Variants in KAZN observed in about 807,000 individuals in gnomAD.
KAZN encodes the protein kazrin, periplakin interacting protein, also known as kazrin.
KAZN carries 40 observed loss-of-function variants against 87.4 expected under a neutral mutation model. The ratio of observed to expected loss-of-function variants is 0.46; its 90% CI spans 0.36 to 0.60. The LOEUF (loss-of-function observed/expected upper bound fraction) is 0.60. KAZN is among the 20% of genes least tolerant of loss of function. KAZN has a pLI of 0.00. For missense variants in KAZN, 898 were observed against 1,073.9 expected, an observed-to-expected ratio of 0.84 and a Z score of 2.29; for synonymous variants, 466 against 458.3, an observed-to-expected ratio of 1.02 and a Z score of -0.22.
chr1:14,017,956 C>A, intron 1 of KAZN, among the ~76,000 whole-genome samples: 1 of 152,090 alleles, frequency 6.6e-6, no homozygotes, highest in East Asian at 1.9e-4. Flanking sequence ...TAACAGCTGA[C>A]GTTTACTAAG....
chr1:15,089,879 C>G (rs993336289), intron 8 of KAZN, among the ~76,000 whole-genome samples: 2 of 151,820 alleles, frequency 1.3e-5, no homozygotes, highest in African/African-American at 4.8e-5. Context: ...CTTTGGAGAA[C>G]ATCTTACCTG....
At chr1:14,320,000 A>T (rs909471707) in intron 2 of KAZN, among the ~76,000 whole-genome samples, 1 of 152,198 alleles carries the variant, frequency 6.6e-6, no homozygotes, top group African/African-American at 2.4e-5. Context: ...ATCAAAGAAT[A>T]ACAATGATCA....
chr1:14,972,516 C>CT lies in KAZN; in HGVS notation c.418+11657dup, dbSNP rs35547504. 6.0e-3 allele frequency among the ~76,000 whole-genome samples: 848 copies of CT among 140,844 alleles called. 5 individuals carry two copies. Among genetic ancestry groups the CT allele is most frequent in the Middle Eastern group, 0.011 (3 of 264 alleles). The allele number at this position is 140,844 out of a possible 152,430, so 92.4% of individuals were successfully genotyped here. A position where few individuals can be genotyped will look rare whatever the true frequency, so the allele number is the denominator to read the frequency against. On this transcript the variant is annotated intron_variant, in intron 2 of 14. Coordinates refer to ENST00000376030, the MANE Select transcript of KAZN (RefSeq NM_201628.3). ...TGCGCTGCTGACCTCAGACTGGGAA[C>CT]TTTTTTTTTTTTTTTTGAGTTGGAG...
intron 2 of KAZN, among the ~76,000 whole-genome samples, chr1:14,324,539 G>A (rs191205747): frequency 1.3e-3 from 201 of 152,236 alleles, no homozygotes; most frequent in African/African-American, 4.6e-3. Context: ...GGCTTTCAAA[G>A]CCTTCTTTCT....
At position 14,584,958 on chromosome 1, in the gene KAZN, T is replaced by C. The variant is rs79728585; in HGVS notation, c.250-14025T>C. Among the ~76,000 whole-genome samples the C allele has an allele frequency of 3.7e-4, 57 of 152,226 alleles. No homozygotes were observed. The East Asian group carries it at 9.9e-3, about 26-fold the overall frequency. On this transcript the variant is annotated intron_variant, in intron 2 of 16. Coordinates refer to the KAZN transcript ENST00000636203. Reference sequence around the variant, plus strand: ...GGGACTGGCCTGAAGATAGGGTCTTTAAAGAGGTGATGAAGAGAAAATTAG... The same window carrying C: ...GGGACTGGCCTGAAGATAGGGTCTTCAAAGAGGTGATGAAGAGAAAATTAG...
intron 1 of KAZN, among the ~76,000 whole-genome samples, chr1:14,714,789 TTTTTTTTG>T (rs2100235649): frequency 8.2e-6 from 1 of 121,338 alleles, no homozygotes; most frequent in Admixed American, 7.8e-5. Context: ...TCTTTTTCTT[TTTTTTTTG>T]TTTTTTTTTT....
intron 1 of KAZN, among the ~76,000 whole-genome samples, chr1:14,900,145 T>C (rs1655698964): frequency 6.6e-6 from 1 of 151,916 alleles, no homozygotes; most frequent in Admixed American, 6.6e-5. Context: ...TGACATGGGG[T>C]TTGTGAAGAT....
At chr1:14,933,335 C>A (rs1167181903) in intron 1 of KAZN, among the ~76,000 whole-genome samples, 1 of 152,146 alleles carries the variant, frequency 6.6e-6, no homozygotes, top group African/African-American at 2.4e-5. Flanking sequence ...TCAGGTGAGC[C>A]GCCTGCCTCG....
At position 14,546,221 on chromosome 1, in the gene KAZN, T is replaced by G. The variant is rs77961205; in HGVS notation, c.250-52762T>G. On this transcript the variant is annotated intron_variant, in intron 2 of 16. Coordinates refer to the KAZN transcript ENST00000636203. ...TATTCTTTCCAACTACGATATTCTC[T>G]TATAATACACACTGTCAATAGCCAA... 9.6e-3 allele frequency among the ~76,000 whole-genome samples: 1,459 copies of G among 152,330 alleles called. 12 individuals are homozygous for G. The highest frequency in any genetic ancestry group is 0.014 in the Non-Finnish European group (925 of 68,032).
intron 1 of KAZN, among the ~76,000 whole-genome samples, chr1:14,165,796 T>A (rs1012570909): frequency 6.6e-6 from 1 of 152,204 alleles, no homozygotes; most frequent in Non-Finnish European, 1.5e-5. Flanking sequence ...AATAGCTTCA[T>A]GTCTTAGGGG....
intron 2 of KAZN, among the ~76,000 whole-genome samples, chr1:15,006,979 C>G (rs1032176375): frequency 1.3e-5 from 2 of 149,628 alleles, no homozygotes; most frequent in African/African-American, 2.5e-5. Context: ...ATAGTGTGAA[C>G]CTGGGAGGCG....
chr1:14,618,115 T>C (rs1044068051), intron 1 of KAZN, among the ~76,000 whole-genome samples: 12 of 152,208 alleles, frequency 7.9e-5, no homozygotes, highest in African/African-American at 2.9e-4. Context: ...AGGAAAGGCT[T>C]GAATGCTGCG....
intron 2 of KAZN, among the ~76,000 whole-genome samples, chr1:14,489,288 T>C (rs561540301): frequency 1.9e-3 from 291 of 152,312 alleles, no homozygotes; most frequent in African/African-American, 6.8e-3. Flanking sequence ...TACACATCTA[T>C]ATAAGTTCTG....
intron 2 of KAZN, among the ~76,000 whole-genome samples, chr1:14,551,219 C>T (rs892760557): frequency 1.3e-5 from 2 of 152,174 alleles, no homozygotes; most frequent in African/African-American, 4.8e-5. Context: ...TCTGCACCGA[C>T]TCATATGGAT....
chr1:14,018,069 G>A (rs1983608), intron 1 of KAZN, among the ~76,000 whole-genome samples: 95,592 of 152,016 alleles, frequency 0.63, 30,796 homozygotes, highest in South Asian at 0.8. Context: ...TGGCAGCTGA[G>A]GAACCTGAGG....
intron 2 of KAZN, among the ~76,000 whole-genome samples, chr1:14,304,276 C>T (rs951836923): frequency 6.6e-6 from 1 of 152,166 alleles, no homozygotes; most frequent in Admixed American, 6.5e-5. Flanking sequence ...AACTTTCATC[C>T]AACATCTCCA....
chr1:14,231,663 A>G (rs1482528361), intron 2 of KAZN, among the ~76,000 whole-genome samples: 1 of 152,198 alleles, frequency 6.6e-6, no homozygotes, highest in Non-Finnish European at 1.5e-5. Flanking sequence ...CTACCTAGCA[A>G]TAACTGGTTA....
intron 1 of KAZN, among the ~76,000 whole-genome samples, chr1:14,002,031 C>A (rs985044665): frequency 1.4e-4 from 22 of 152,040 alleles, no homozygotes; most frequent in African/African-American, 5.3e-4. Flanking sequence ...AACTTCTGCA[C>A]AACAAAAGAA....
intron 2 of KAZN, among the ~76,000 whole-genome samples, chr1:14,274,391 A>G (rs76415713): frequency 0.016 from 2,477 of 152,244 alleles, 64 homozygotes; most frequent in African/African-American, 0.057. Context: ...CATGTTTCGC[A>G]TGCAAAGTCA....
Sources: allele counts gnomAD v4.1 joint callset (sites outside exome capture counted in the v4.1 genomes callset), GRCh38; gene constraint gnomAD v4.1.1; transcripts MANE v1.5; gene names NCBI Gene and HGNC (gene_info 2026-07-23, HGNC 2026-07-21).